The following KCNIP4 variants were observed in gnomAD, a reference collection of about 807,000 sequenced individuals.
The protein encoded by KCNIP4 is Kv channel-interacting protein 4.
A neutral mutation model predicts 34.0 loss-of-function variants in KCNIP4; 12 were observed. The ratio of observed to expected loss-of-function variants is 0.35; its 90% CI spans 0.23 to 0.57. The LOEUF (loss-of-function observed/expected upper bound fraction) is 0.57, where lower values mean the gene tolerates loss of function less well. KCNIP4 is among the 20% of genes least tolerant of loss of function. The pLI is 0.83. For missense variants in KCNIP4, 238 were observed against 311.7 expected, an observed-to-expected ratio of 0.76 and a Z score of 1.78; for synonymous variants, 124 against 102.2, an observed-to-expected ratio of 1.21 and a Z score of -1.29.
intron 1 of KCNIP4, among the ~76,000 whole-genome samples, chr4:21,626,802 C>A (rs533937267): frequency 6.6e-6 from 1 of 152,044 alleles, no homozygotes; most frequent in Non-Finnish European, 1.5e-5. Context: ...AACGACAGAT[C>A]GTTTCTCCAC....
chr4:21,715,432 A>G (rs1210658226), intron 1 of KCNIP4, among the ~76,000 whole-genome samples: 1 of 151,958 alleles, frequency 6.6e-6, no homozygotes, highest in Non-Finnish European at 1.5e-5. Flanking sequence ...GCCCAGCCTG[A>G]TGTATTTTAT....
At chr4:21,758,926 A>C (rs949255171) in intron 1 of KCNIP4, among the ~76,000 whole-genome samples, 11 of 151,420 alleles carry the variant, frequency 7.3e-5, no homozygotes, top group African/African-American at 2.7e-4. Context: ...TAAGGATAAT[A>C]ATAACAATAA....
chr4:21,124,038 A>G (rs2874889), intron 1 of KCNIP4, among the ~76,000 whole-genome samples: 75,383 of 145,036 alleles, frequency 0.52, 19,770 homozygotes, highest in African/African-American at 0.67. Flanking sequence ...AAAACAAAAA[A>G]ACAACAAAAA....
intron 2 of KCNIP4, among the ~76,000 whole-genome samples, chr4:20,875,802 A>G (rs769003621): frequency 2.0e-5 from 3 of 152,186 alleles, no homozygotes; most frequent in Non-Finnish European, 4.4e-5. Flanking sequence ...TTGCAAACAA[A>G]TCCTCCAACA....
chr4:21,362,131 C>A (rs1286200287), intron 1 of KCNIP4, among the ~76,000 whole-genome samples: 1 of 152,142 alleles, frequency 6.6e-6, no homozygotes, highest in African/African-American at 2.4e-5. Flanking sequence ...AATAGTCTAA[C>A]TGCACACTCA....
chr4:20,988,538 A>G (rs940992433), intron 1 of KCNIP4, among the ~76,000 whole-genome samples: 4 of 152,338 alleles, frequency 2.6e-5, no homozygotes, highest in African/African-American at 7.2e-5. Context: ...TATTCTTCAT[A>G]CTGTTTGTTG....
In KCNIP4 at chr4:21,709,212, G is replaced by C. The variant is rs1713526540; in HGVS notation, c.61+239359C>G. ...AAAAGAATTAAAAAGAACAATAAAT[G>C]TCCTGACCTTCCCTTGGCCCCCAGC... On this transcript the variant is annotated intron_variant, in intron 1 of 8. Coordinates refer to ENST00000382152, the MANE Select transcript of KCNIP4 (RefSeq NM_025221.6). Among the ~76,000 whole-genome samples the C allele has an allele frequency of 2.0e-5, 3 of 152,100 alleles. No homozygotes were observed. The South Asian group carries it at 6.2e-4, about 31-fold the overall frequency.
intron 1 of KCNIP4, among the ~76,000 whole-genome samples, chr4:21,251,398 G>A (rs1760688220): frequency 6.6e-6 from 1 of 151,960 alleles, no homozygotes; most frequent in Non-Finnish European, 1.5e-5. Context: ...AATGCACACA[G>A]CAATCCTGAT....
At chr4:21,526,636 T>G (rs1222952237) in intron 1 of KCNIP4, among the ~76,000 whole-genome samples, 3 of 152,126 alleles carry the variant, frequency 2.0e-5, no homozygotes, top group Non-Finnish European at 4.4e-5. Context: ...CACCTATTGT[T>G]CTTGATATTG....
intron 1 of KCNIP4, among the ~76,000 whole-genome samples, chr4:21,202,960 G>A (rs781080979): frequency 1.3e-5 from 2 of 152,198 alleles, no homozygotes; most frequent in Non-Finnish European, 2.9e-5. Context: ...GTCCTGCACT[G>A]TAAAGATCCT....
At chr4:21,291,857 A>G in intron 1 of KCNIP4, among the ~76,000 whole-genome samples, 1 of 62,790 alleles carries the variant, frequency 1.6e-5, no homozygotes, top group South Asian at 7.0e-4. Flanking sequence ...CCGCCTCAAA[A>G]AAAAAAAAAA....
rs556184019 is a variant in KCNIP4 at position 21,471,504 on chromosome 4, T to C, written c.61+477067A>G. Among the ~76,000 whole-genome samples, 5 of 152,318 alleles carry C rather than the reference T, an allele frequency of 3.3e-5. No homozygotes were observed. In the South Asian group the frequency reaches 1.0e-3, roughly 32 times the overall value. On this transcript the variant is annotated intron_variant, in intron 1 of 8. Transcript: ENST00000382152. ...TCAGTTCTAGAAATTGAGTATTTTATATATTTTATCATGATTATATAAATG... is the reference window on the plus strand; with the variant it reads ...TCAGTTCTAGAAATTGAGTATTTTACATATTTTATCATGATTATATAAATG...
intron 1 of KCNIP4, among the ~76,000 whole-genome samples, chr4:21,677,964 C>G (rs540978904): frequency 3.4e-4 from 52 of 152,246 alleles, no homozygotes; most frequent in African/African-American, 1.2e-3. Flanking sequence ...GTTGACCAGC[C>G]TGGTCTTGAA....
intron 1 of KCNIP4, among the ~76,000 whole-genome samples, chr4:21,834,803 G>A (rs1002308808): frequency 5.9e-5 from 9 of 152,048 alleles, no homozygotes; most frequent in African/African-American, 2.2e-4. Context: ...TTAGCATGAA[G>A]GGTTGTTGAA....
chr4:20,958,790 A>G (rs920822896), intron 1 of KCNIP4, among the ~76,000 whole-genome samples: 5 of 152,248 alleles, frequency 3.3e-5, no homozygotes, highest in Admixed American at 6.5e-5. Context: ...GAAGCTTTGT[A>G]TCTCTGACAT....
At chr4:20,795,474 CT>C (rs1313807391) in intron 3 of KCNIP4, among the ~76,000 whole-genome samples, 4 of 152,070 alleles carry the variant, frequency 2.6e-5, no homozygotes, top group Non-Finnish European at 4.4e-5. Context: ...AATTTGTTTG[CT>C]GATTTCTTAT....
In KCNIP4 at chr4:21,321,011, C is replaced by G. The variant is rs187310442; in HGVS notation, c.62-438302G>C. Among the ~76,000 whole-genome samples the G allele has an allele frequency of 1.8e-4, 26 of 141,534 alleles. No homozygotes were observed. The East Asian group carries it at 2.3e-3, about 12-fold the overall frequency. The allele number at this position is 141,534 out of a possible 152,430, so 92.9% of individuals were successfully genotyped here. The stretch of plus-strand genomic sequence containing the variant: ...GAAAGTTAGTCCTACAGAATTTTAG[C>G]TGAAAGGTCATGAATTGTGGTAAAT... On this transcript the variant is annotated intron_variant, in intron 1 of 8. Coordinates refer to ENST00000382152, the MANE Select transcript of KCNIP4 (RefSeq NM_025221.6).
intron 1 of KCNIP4, among the ~76,000 whole-genome samples, chr4:21,374,771 T>C (rs997441046): frequency 4.1e-5 from 6 of 147,370 alleles, no homozygotes; most frequent in Non-Finnish European, 8.8e-5. Context: ...TACACTGGTA[T>C]TAGGGAGACA....
chr4:21,332,052 A>G (rs1334046693), intron 1 of KCNIP4, among the ~76,000 whole-genome samples: 2 of 152,090 alleles, frequency 1.3e-5, no homozygotes, highest in Non-Finnish European at 2.9e-5. Context: ...AGCATTATTC[A>G]TAATCAATCC....
Sources: allele counts gnomAD v4.1 joint callset (sites outside exome capture counted in the v4.1 genomes callset), GRCh38; gene constraint gnomAD v4.1.1; transcripts MANE v1.5; gene names NCBI Gene and HGNC (gene_info 2026-07-23, HGNC 2026-07-21).